The following OSBPL8 variants were observed in gnomAD, a reference collection of about 807,000 sequenced individuals.
OSBPL8 encodes the protein oxysterol binding protein like 8, also known as oxysterol-binding protein-related protein 8.
Under a neutral mutation model 125.5 loss-of-function variants are expected in OSBPL8, and 59 were observed. The ratio of observed to expected loss-of-function variants is 0.47; its 90% confidence interval spans 0.38 to 0.58. The LOEUF (loss-of-function observed/expected upper bound fraction) is 0.58, where lower values mean the gene tolerates loss of function less well. Among genes scored for constraint, OSBPL8 ranks in the 20% least tolerant of loss-of-function variants. OSBPL8 has a pLI of 0.00. For synonymous variants in OSBPL8, 330 were observed against 338.9 expected (o/e 0.97, Z 0.29); for missense variants, 758 against 1,047.8 (o/e 0.72, Z 3.82).
chr12:76,476,952 AAAAG>A (rs1876884243), intron 2 of OSBPL8, among the ~76,000 whole-genome samples: 2 of 152,326 alleles, frequency 1.3e-5, no homozygotes, highest in Admixed American at 6.5e-5. Context: ...ACCAAATGAG[AAAAG>A]AAAGAAACAA....
intron 21 of OSBPL8, among the ~76,000 whole-genome samples, chr12:76,363,955 C>T (rs966342820): frequency 2.6e-5 from 4 of 152,104 alleles, no homozygotes; most frequent in Non-Finnish European, 5.9e-5. Flanking sequence ...AATGAGATAC[C>T]GTCTCATGCC....
chr12:76,526,147 G>C (rs1950163709), intron 1 of OSBPL8, among the ~76,000 whole-genome samples: 1 of 152,086 alleles, frequency 6.6e-6, no homozygotes, highest in Admixed American at 6.5e-5. Flanking sequence ...TTAATTCACA[G>C]AACCTTGAAA....
At chr12:76,490,283 C>A (rs1460476804) in intron 1 of OSBPL8, among the ~76,000 whole-genome samples, 1 of 152,214 alleles carries the variant, frequency 6.6e-6, no homozygotes, top group Admixed American at 6.5e-5. Flanking sequence ...AGTCGAAAAG[C>A]GTGAAACGGC....
At chr12:76,412,886 G>T (rs948063096) in intron 4 of OSBPL8, among the ~76,000 whole-genome samples, 1 of 152,130 alleles carries the variant, frequency 6.6e-6, no homozygotes, top group Non-Finnish European at 1.5e-5. Context: ...CCTTCAGGGA[G>T]GCCTTGTTTT....
At chr12:76,454,979 A>G (rs1873850033) in intron 3 of OSBPL8, among the ~76,000 whole-genome samples, 1 of 152,162 alleles carries the variant, frequency 6.6e-6, no homozygotes, top group African/African-American at 2.4e-5. Context: ...TCAAGCCTGT[A>G]ATCCCAGCAC....
chr12:76,556,585 G>A (rs1439114816), intron 1 of OSBPL8, among the ~76,000 whole-genome samples: 1 of 152,148 alleles, frequency 6.6e-6, no homozygotes, highest in Non-Finnish European at 1.5e-5. Flanking sequence ...GGCCACAACT[G>A]CTCCAGTCAA....
chr12:76,379,583 T>TA (rs1952959840), intron 15 of OSBPL8, among the ~76,000 whole-genome samples: 1 of 152,236 alleles, frequency 6.6e-6, no homozygotes, highest in Non-Finnish European at 1.5e-5. Flanking sequence ...TCACTGGCTT[T>TA]ACCTATTCTA....
At chr12:76,458,051 C>T (rs12825931) in intron 3 of OSBPL8, among the ~76,000 whole-genome samples, 31,283 of 151,432 alleles carry the variant, frequency 0.21, 3,455 homozygotes, top group Non-Finnish European at 0.26. Flanking sequence ...AGGATCGGAT[C>T]GCTTGAGTCC....
At chr12:76,457,325 G>A (rs529890512) in intron 3 of OSBPL8, among the ~76,000 whole-genome samples, 6 of 152,094 alleles carry the variant, frequency 3.9e-5, no homozygotes, top group Non-Finnish European at 8.8e-5. Context: ...CAACGTGTAC[G>A]GTGTGTGTGA....
At chr12:76,387,478 T>C (rs1953363508) in intron 12 of OSBPL8, among the ~76,000 whole-genome samples, 1 of 152,166 alleles carries the variant, frequency 6.6e-6, no homozygotes, top group African/African-American at 2.4e-5. Context: ...AAGAAGAAAT[T>C]TGTAGGAGCC....
chr12:76,450,926 C>T lies in OSBPL8; in HGVS notation c.142G>A (p.Gly48Arg). 2 of 1,613,972 alleles carry T rather than the reference C, an allele frequency of 1.2e-6. No homozygotes were observed. The highest frequency in any genetic ancestry group is 1.7e-6 in the Non-Finnish European group (2 of 1,179,946). The change falls in exon 4 of 24, where the codon GGA becomes AGA. Residue 48 changes from glycine (G) to arginine (R), a missense_variant. Around this residue, in one of 3 missense-constraint regions of OSBPL8, gnomAD observed 117 missense variants for 137.1 expected, o/e 0.85. Transcript: ENST00000261183. The stretch of plus-strand genomic sequence containing the variant: ...GTTGGCGTTGGATAAGCTTCTTTTC[C>T]TTGGCGCTGACTCATCTTTCCTGGT... ...LTPGKMSQRQ[G>R]KEAYPTPTKD... is the part of the protein sequence containing the mutation.
At chr12:76,461,596 AC>A (rs1874741756) in intron 2 of OSBPL8, among the ~76,000 whole-genome samples, 2 of 151,908 alleles carry the variant, frequency 1.3e-5, no homozygotes, top group South Asian at 4.1e-4. Flanking sequence ...GTCTACAGGC[AC>A]CCAGCTAATT....
chr12:76,500,084 T>G (rs1373092708), intron 1 of OSBPL8, among the ~76,000 whole-genome samples: 1 of 152,240 alleles, frequency 6.6e-6, no homozygotes, highest in East Asian at 1.9e-4. Context: ...TATAATCTAA[T>G]GCACAGAAGT....
chr12:76,532,164 A>T (rs1291029717), intron 1 of OSBPL8, among the ~76,000 whole-genome samples: 2 of 152,010 alleles, frequency 1.3e-5, no homozygotes, highest in African/African-American at 4.8e-5. Flanking sequence ...ATTCTCTAAG[A>T]AGAGAAAAAA....
intron 4 of OSBPL8, among the ~76,000 whole-genome samples, chr12:76,441,729 CA>C (rs1872203892): frequency 6.6e-6 from 1 of 151,204 alleles, no homozygotes; most frequent in South Asian, 2.1e-4. Flanking sequence ...ATCTTAAAAT[CA>C]AAACGATTGA....
At chr12:76,497,665 C>CT (rs1221701967) in intron 1 of OSBPL8, among the ~76,000 whole-genome samples, 4 of 152,150 alleles carry the variant, frequency 2.6e-5, no homozygotes, top group African/African-American at 4.8e-5. Context: ...GTCCAAACAA[C>CT]TTTTTTCTGA....
chr12:76,416,558 A>C lies in OSBPL8; in HGVS notation c.218-5924T>G, dbSNP rs184206507. On this transcript the variant is annotated intron_variant, in intron 4 of 23. Coordinates refer to ENST00000261183, the MANE Select transcript of OSBPL8 (RefSeq NM_020841.5). The stretch of plus-strand genomic sequence containing the variant: ...GTTGTTCTCTATAAAATTTCCTTAT[A>C]TATTTTGAGGGCATATAATGTACTC... 7.2e-5 allele frequency among the ~76,000 whole-genome samples: 11 copies of C among 152,182 alleles called. No homozygotes were observed. The Middle Eastern group carries it at 0.01, about 141-fold the overall frequency.
chr12:76,390,868 G>A (rs1275198130), intron 10 of OSBPL8, among the ~76,000 whole-genome samples: 1 of 152,092 alleles, frequency 6.6e-6, no homozygotes, highest in Admixed American at 6.5e-5. Flanking sequence ...GTAAACAGAG[G>A]CATAGAAAAA....
At chr12:76,499,303 A>AT (rs1429009979) in intron 1 of OSBPL8, among the ~76,000 whole-genome samples, 122 of 60,032 alleles carry the variant, frequency 2.0e-3, no homozygotes, top group Non-Finnish European at 3.4e-3. Flanking sequence ...TACTTAATAA[A>AT]CTCTATCTAT....
Sources: allele counts gnomAD v4.1 joint callset (sites outside exome capture counted in the v4.1 genomes callset), GRCh38; gene constraint gnomAD v4.1.1; regional missense constraint gnomAD v4.1.1; transcripts MANE v1.5; gene names NCBI Gene and HGNC (gene_info 2026-07-23, HGNC 2026-07-21).